Variants in SELENOF observed in about 807,000 individuals in gnomAD.
The protein encoded by SELENOF is selenoprotein F.
Under a neutral mutation model 20.5 loss-of-function variants are expected in SELENOF, and 16 were observed. The observed-to-expected ratio is 0.78, with a 90% confidence interval of 0.53 to 1.19. The LOEUF is 1.19. Among genes scored for constraint, SELENOF ranks in the 50% most tolerant of loss-of-function variants. The probability of loss-of-function intolerance (pLI) is 0.00; values close to 1 mark genes in which losing one functional copy is unlikely to be tolerated. For missense variants in SELENOF, 215 were observed against 194.2 expected, an observed-to-expected ratio of 1.11 and a Z score of -0.64; for synonymous variants, 78 against 74.5, an observed-to-expected ratio of 1.05 and a Z score of -0.24.
At chr1:86,871,857 T>G (rs921782333) in intron 3 of SELENOF, among the ~76,000 whole-genome samples, 1 of 152,206 alleles carries the variant, frequency 6.6e-6, no homozygotes, top group Admixed American at 6.6e-5. Context: ...AATCACCTCA[T>G]GTGCTCTATA....
At chr1:86,891,088 T>C (rs1659372509) in intron 2 of SELENOF, among the ~76,000 whole-genome samples, 1 of 151,278 alleles carries the variant, frequency 6.6e-6, no homozygotes, top group South Asian at 2.1e-4. Context: ...TCATTCTTGT[T>C]GCCCAGGCTG....
chr1:86,909,952 G>A (rs1280623031), intron 1 of SELENOF, among the ~76,000 whole-genome samples: 1 of 152,160 alleles, frequency 6.6e-6, no homozygotes. Context: ...TTGCACCACT[G>A]CACTTCATCC....
At chr1:86,890,971 CATT>C (rs1007085881) in intron 2 of SELENOF, among the ~76,000 whole-genome samples, 10 of 151,732 alleles carry the variant, frequency 6.6e-5, no homozygotes, top group African/African-American at 2.2e-4. Flanking sequence ...ACCTTCGTAA[CATT>C]AGATATTATG....
chr1:86,890,065 G>C (rs1659337192), intron 2 of SELENOF, among the ~76,000 whole-genome samples: 1 of 152,170 alleles, frequency 6.6e-6, no homozygotes, highest in African/African-American at 2.4e-5. Flanking sequence ...ACAGAATAAA[G>C]TTCAACTTCT....
intron 2 of SELENOF, among the ~76,000 whole-genome samples, chr1:86,893,450 C>CAAAAAAAA (rs10714134): frequency 2.2e-5 from 2 of 90,482 alleles, no homozygotes; most frequent in Non-Finnish European, 2.5e-5. Context: ...TACTAAAATA[C>CAAAAAAAA]AAAAAAAAAA....
At chr1:86,897,043 C>T (rs533338031) in intron 2 of SELENOF, among the ~76,000 whole-genome samples, 38 of 152,200 alleles carry the variant, frequency 2.5e-4, no homozygotes, top group South Asian at 1.0e-3. Context: ...CGGTGGCTCA[C>T]GCCTGTAATT....
At chr1:86,872,950 G>C (rs1252887038) in intron 3 of SELENOF, among the ~76,000 whole-genome samples, 1 of 152,090 alleles carries the variant, frequency 6.6e-6, no homozygotes, top group Non-Finnish European at 1.5e-5. Flanking sequence ...TGAGGCAGGA[G>C]AATGGCGTGA....
At chr1:86,887,176 C>T (rs1659241940) in intron 2 of SELENOF, 11 of 1,541,874 alleles carry the variant, frequency 7.1e-6, no homozygotes, top group African/African-American at 1.4e-5. Flanking sequence ...GGCATTCTTG[C>T]TTAGAAACAA....
In SELENOF at chr1:86,868,079, T is replaced by C; in HGVS notation, c.340A>G (p.Lys114Glu). 6.5e-7 allele frequency: 1 copy of C among 1,536,386 alleles called. No individual in the cohort carries two copies. The part of the protein sequence containing the change: ...VQAFVRSDKP[K>E]LFRGLQIKYV... ...TTGATTTGCAGTCCTCTGAACAGTT[T>C]GGGTTTATCACTCCTAACAAAAGCT... is the stretch of plus-strand genomic sequence containing the variant. The change falls in exon 4 of 5, where the codon AAA becomes GAA. Residue 114 changes from lysine (K) to glutamate (E), a missense_variant. Lys to Glu is a moderately conservative substitution (Grantham distance 56). Coordinates refer to ENST00000331835, the MANE Select transcript of SELENOF (RefSeq NM_004261.5).
chr1:86,900,714 A>T (rs563917255), intron 2 of SELENOF, among the ~76,000 whole-genome samples: 1 of 151,878 alleles, frequency 6.6e-6, no homozygotes, highest in Non-Finnish European at 1.5e-5. Context: ...AATTTTTTGT[A>T]TTTTTAGTAG....
intron 3 of SELENOF, among the ~76,000 whole-genome samples, chr1:86,874,728 A>C (rs1658880329): frequency 1.3e-5 from 2 of 152,208 alleles, no homozygotes; most frequent in African/African-American, 4.8e-5. Context: ...AATCACAAAC[A>C]CGTGAAAATA....
At chr1:86,898,375 T>C (rs192054165) in intron 2 of SELENOF, among the ~76,000 whole-genome samples, 6 of 152,336 alleles carry the variant, frequency 3.9e-5, no homozygotes, top group African/African-American at 1.4e-4. Flanking sequence ...GAATAATTTC[T>C]AACAAAAATT....
intron 2 of SELENOF, among the ~76,000 whole-genome samples, chr1:86,896,263 G>C (rs1659522388): frequency 6.6e-6 from 1 of 151,590 alleles, no homozygotes. Context: ...AGGGGGGGAG[G>C]GGGAGGGGCG....
chr1:86,863,629 A>C, intron 4 of SELENOF, 24 bp from the exon 5 acceptor site: 1 of 1,608,182 alleles, frequency 6.2e-7, no homozygotes, highest in South Asian at 1.1e-5. Flanking sequence ...GGACGTCATC[A>C]TTACTTTCTG....
chr1:86,863,815 A>T (rs911728215), intron 4 of SELENOF, among the ~76,000 whole-genome samples: 1 of 152,116 alleles, frequency 6.6e-6, no homozygotes, highest in East Asian at 1.9e-4. Flanking sequence ...TCACTCATTC[A>T]TTCATTCATT....
chr1:86,912,310 T>C (rs762180427), intron 1 of SELENOF, among the ~76,000 whole-genome samples: 1 of 152,218 alleles, frequency 6.6e-6, no homozygotes, highest in Non-Finnish European at 1.5e-5. Context: ...GAGTCAAACA[T>C]GACATCCAAA....
At chr1:86,880,214 C>T (rs890827874) in intron 3 of SELENOF, among the ~76,000 whole-genome samples, 2 of 151,828 alleles carry the variant, frequency 1.3e-5, no homozygotes, top group East Asian at 3.9e-4. Flanking sequence ...CGGCTCACTG[C>T]AACCTCTGCC....
rs1658666303 is a variant in SELENOF at position 86,868,310 on chromosome 1, T to C, written c.317-208A>G. 2.0e-5 allele frequency among the ~76,000 whole-genome samples: 3 copies of C among 152,124 alleles called. No individual in the cohort carries two copies. In the South Asian group the frequency reaches 6.2e-4, roughly 31 times the overall value. ...ACTAATTGTTTCAAATTAATAGAAA[T>C]CCCAAATTCCAATAGGATTTTAAGG... On this transcript the variant is annotated intron_variant, in intron 3 of 4. Coordinates refer to ENST00000331835, the MANE Select transcript of SELENOF (RefSeq NM_004261.5).
intron 2 of SELENOF, among the ~76,000 whole-genome samples, chr1:86,889,140 A>G (rs926946890): frequency 6.6e-6 from 1 of 152,168 alleles, no homozygotes; most frequent in African/African-American, 2.4e-5. Flanking sequence ...TAAAACTAGA[A>G]AAAAAAGAAA....
Sources: gnomAD v4.1 joint callset for allele counts (sites outside exome capture counted in the v4.1 genomes callset) on GRCh38, gnomAD v4.1.1 for gene constraint, MANE v1.5 for transcripts, NCBI Gene and HGNC (gene_info 2026-07-23, HGNC 2026-07-21) for gene names.